The following VIRMA variants were observed in gnomAD, a reference collection of about 807,000 sequenced individuals.
VIRMA encodes protein virilizer homolog.
A neutral mutation model predicts 182.4 loss-of-function variants in VIRMA; 65 were observed. That is an observed-to-expected ratio of 0.36 (90% CI 0.29 to 0.44). The LOEUF is 0.44. VIRMA is among the 20% of genes least tolerant of loss of function. The pLI, the probability that VIRMA is intolerant of heterozygous loss-of-function variation, is 1.00. For synonymous variants in VIRMA, 709 were observed against 743.1 expected, an observed-to-expected ratio of 0.95 and a Z score of 0.75; for missense variants, 1,752 against 2,158.1, an observed-to-expected ratio of 0.81 and a Z score of 3.73.
In VIRMA at chr8:94,512,008, G is replaced by T. The variant is rs372150619; in HGVS notation, c.2833C>A (p.Pro945Thr). 49 of 1,526,040 alleles carry T rather than the reference G, an allele frequency of 3.2e-5. No homozygotes were observed. The highest frequency in any genetic ancestry group is 3.5e-5 in the Non-Finnish European group (40 of 1,134,006). 94.5% of individuals were successfully genotyped at this position (1,526,040 alleles called of 1,614,324 possible). The change falls in exon 12 of 24, where the codon CCT (proline) becomes ACT (threonine). Residue 945 changes from proline (P) to threonine (T), a missense_variant. Transcript: ENST00000297591. ...GTAGCCACATTACCTTCAACAGGAGGTGGTGGGCATGCAACATTACAGAGA... is the reference window on the plus strand; with the variant it reads ...GTAGCCACATTACCTTCAACAGGAGTTGGTGGGCATGCAACATTACAGAGA... The part of the protein sequence containing the change: ...RVLCNVACPP[P>T]PVEGQQKDLK...
intron 7 of VIRMA, among the ~76,000 whole-genome samples, chr8:94,527,779 TTAAG>T (rs796313439): frequency 3.9e-5 from 6 of 152,304 alleles, no homozygotes; most frequent in African/African-American, 7.2e-5. Flanking sequence ...TTGTTTTAAG[TTAAG>T]TAAGAACTAA....
chr8:94,506,907 CA>C (rs1814170536), intron 15 of VIRMA, among the ~76,000 whole-genome samples, 190 bp from the exon 16 acceptor site: 1 of 152,028 alleles, frequency 6.6e-6, no homozygotes, highest in South Asian at 2.1e-4. Context: ...AAAGTTAATA[CA>C]AGGATACACA....
chr8:94,506,591 T>C lies in VIRMA; in HGVS notation c.4006A>G (p.Asn1336Asp). 1 of 1,613,766 alleles carries C rather than the reference T, an allele frequency of 6.2e-7. No individual in the cohort carries two copies. The highest frequency in any genetic ancestry group is 8.5e-7 in the Non-Finnish European group (1 of 1,179,700). ...ICDCLLATLA[N>D]SESSYNCLLT... ...AAACAGTTGTAACTGCTCTCAGAGT[T>C]AGCTAGCGTAGCCAACAGACAGTCA... is the stretch of plus-strand genomic sequence containing the variant. Residue 1336 changes from asparagine (N) to aspartate (D), a missense_variant, in exon 16 of 24, where the codon AAC becomes GAC. By Grantham distance (23) the Asn-to-Asp change is conservative. Transcript: ENST00000297591.
chr8:94,494,985 G>C, intron 19 of VIRMA, 29 bp from the exon 20 acceptor site: 1 of 1,432,928 alleles, frequency 7.0e-7, no homozygotes, highest in Non-Finnish European at 9.8e-7. Flanking sequence ...CTGGTGAAAA[G>C]CAGAATTCTA....
At chr8:94,499,283 G>A (rs1813889917) in intron 17 of VIRMA, 91 bp downstream of exon 17, 3 of 879,994 alleles carry the variant, frequency 3.4e-6, no homozygotes, top group African/African-American at 1.7e-5. Flanking sequence ...TTACAGATGT[G>A]AGCCATCGTA....
At chr8:94,491,378 G>A (rs926208640) in intron 22 of VIRMA, among the ~76,000 whole-genome samples, 200 bp downstream of exon 22, 2 of 151,888 alleles carry the variant, frequency 1.3e-5, no homozygotes, top group African/African-American at 4.8e-5. Context: ...AAAGTACAAT[G>A]CATGAAAGGT....
intron 15 of VIRMA, among the ~76,000 whole-genome samples, 195 bp from the exon 16 acceptor site, chr8:94,506,912 A>G (rs1814170770): frequency 6.6e-6 from 1 of 152,168 alleles, no homozygotes; most frequent in Admixed American, 6.6e-5. Context: ...TAATACAAGG[A>G]TACACACCTA....
In VIRMA at chr8:94,531,038, G is replaced by A. The variant is rs779719449; in HGVS notation, c.532C>T (p.Gln178Ter). The A allele has an allele frequency of 6.3e-7, 1 of 1,599,884 alleles. No individual in the cohort carries two copies. Among genetic ancestry groups the A allele is most frequent in the Non-Finnish European group, 8.5e-7 (1 of 1,173,748 alleles). Residue 178 changes from glutamine to a stop codon, truncating the protein, a stop_gained, in exon 6 of 24, where the codon CAG (glutamine) becomes TAG (stop). Transcript: ENST00000297591. LOFTEE classifies it high-confidence loss of function. ...DQFNGSPPRP[Q>*]PRGPRTPPGP... ...GGAGGAGTTCTTGGTCCCCTTGGCT[G>A]TGGTCTTGGAGGGCTTCCATTAAAC... is the stretch of plus-strand genomic sequence containing the variant.
chr8:94,532,597 G>GGA (rs1815207176), intron 5 of VIRMA, among the ~76,000 whole-genome samples: 1 of 152,120 alleles, frequency 6.6e-6, no homozygotes, highest in Non-Finnish European at 1.5e-5. Flanking sequence ...TATCACTGGG[G>GGA]GAGGCTAAAG....
chr8:94,511,389 A>G lies in VIRMA; in HGVS notation c.3186T>C (p.Asn1062=), dbSNP rs1453690315. 1.2e-6 allele frequency: 2 copies of G among 1,613,850 alleles called. No homozygotes were observed. Among genetic ancestry groups the G allele is most frequent in the African/African-American group, 2.7e-5 (2 of 74,936 alleles). ...AAGTCAGTAAAATATCAATGATATC[A>G]TTCTGAATTTTCTGTTCATCACTAT... is the stretch of plus-strand genomic sequence containing the variant. ...RLDSDEQKIQ[N]DIIDILLTFT... Residue 1062 remains asparagine, a synonymous_variant, in exon 13 of 24, where the codon AAT becomes AAC. Transcript: ENST00000297591.
intron 1 of VIRMA, among the ~76,000 whole-genome samples, chr8:94,549,225 T>C (rs1270555035): frequency 6.6e-6 from 1 of 152,166 alleles, no homozygotes; most frequent in South Asian, 2.1e-4. Flanking sequence ...AAATTATTGG[T>C]AAAACAAATA....
rs1204768784 is a variant in VIRMA at position 94,510,453 on chromosome 8, C to T, written c.3590G>A (p.Arg1197Lys). The part of the protein sequence containing the change: ...LASPTALLIM[R>K]TVLDLIVEDL... ...TTCTACAATCAAATCCAACACAGTT[C>T]TCATAATCAGAAGTGCAGTTGGTGA... Residue 1197 changes from arginine (R) to lysine (K), a missense_variant, in exon 14 of 24, where the codon AGA becomes AAA. This residue lies in a region of VIRMA where 777 missense variants were observed against 920.6 expected (regional missense o/e 0.84). Transcript: ENST00000297591. 6.2e-7 allele frequency: 1 copy of T among 1,613,910 alleles called. No homozygotes were observed. Among genetic ancestry groups the T allele is most frequent in the Non-Finnish European group, 8.5e-7 (1 of 1,179,966 alleles).
chr8:94,519,054 A>C lies in VIRMA; in HGVS notation c.2444T>G (p.Val815Gly). 2 of 1,613,946 alleles carry C rather than the reference A, an allele frequency of 1.2e-6. No homozygotes were observed. The highest frequency in any genetic ancestry group is 1.7e-6 in the Non-Finnish European group (2 of 1,179,942). ...TTGGAGATTTTTCTCCAGACTAAAA[A>C]CATGGCCAACAGCTGATCTTCCCAC... ...NPVGRSAVGHVFSLEKNLQSL... is the reference protein window; with the variant it reads ...NPVGRSAVGHGFSLEKNLQSL... The change falls in exon 9 of 24, where the codon GTT (valine) becomes GGT (glycine). Residue 815 changes from valine (V) to glycine (G), a missense_variant. Physicochemically the swap from Val to Gly is moderately radical, Grantham distance 109. Around this residue, in one of 11 missense-constraint regions of VIRMA, gnomAD observed 777 missense variants for 920.6 expected, o/e 0.84. Coordinates refer to ENST00000297591, the MANE Select transcript of VIRMA (RefSeq NM_015496.5).
Position 94,526,231 on chromosome 8 carries a change from A to G in VIRMA, c.2013T>C (p.Val671=). ...AGGCAAACATGTCTTACCTAAAGAGAACAGGGTATGGATCATCCCTCTCTG... is the reference window on the plus strand; with the variant it reads ...AGGCAAACATGTCTTACCTAAAGAGGACAGGGTATGGATCATCCCTCTCTG... ...GPPERDDPYP[V]LFRYLHSHHF... Residue 671 remains valine, a synonymous_variant, in exon 8 of 24, where the codon GTT becomes GTC. Transcript: ENST00000297591. 6.3e-7 allele frequency: 1 copy of G among 1,595,824 alleles called. No individual in the cohort carries two copies.
chr8:94,505,345 T>C (rs181622680), intron 16 of VIRMA, among the ~76,000 whole-genome samples: 3 of 152,234 alleles, frequency 2.0e-5, no homozygotes, highest in Admixed American at 1.3e-4. Context: ...TGTAGTTTAA[T>C]AAATATAAGT....
chr8:94,552,598 T>A lies in VIRMA; in HGVS notation c.63+787A>T, dbSNP rs189104381. 1.4e-3 allele frequency among the ~76,000 whole-genome samples: 220 copies of A among 152,268 alleles called. 1 individual carries two copies. Among genetic ancestry groups the A allele is most frequent in the African/African-American group, 5.2e-3 (215 of 41,548 alleles). ...TTTTTTAACAATTTCTCCGTAGACT[T>A]CATTCAAGTTCATTTTTGGTCTGCT... On this transcript the variant is annotated intron_variant, in intron 1 of 23. Coordinates refer to ENST00000297591, the MANE Select transcript of VIRMA (RefSeq NM_015496.5).
chr8:94,507,989 A>ATATATGTATATATGTGTG (rs1563461662), intron 15 of VIRMA, among the ~76,000 whole-genome samples: 3 of 149,526 alleles, frequency 2.0e-5, no homozygotes, highest in Admixed American at 6.7e-5. Flanking sequence ...ATATATGTGT[A>ATATATGTATATATGTGTG]TATATATAAG....
chr8:94,553,324 G>A, intron 1 of VIRMA, 61 bp downstream of exon 1: 1 of 1,534,052 alleles, frequency 6.5e-7, no homozygotes, highest in Non-Finnish European at 9.0e-7. Flanking sequence ...AACGCCTAAC[G>A]GTTTTTTTGT....
intron 15 of VIRMA, among the ~76,000 whole-genome samples, chr8:94,508,628 G>C (rs1814249422): frequency 2.0e-5 from 3 of 151,494 alleles, no homozygotes; most frequent in South Asian, 4.2e-4. Context: ...CCAACCAAAT[G>C]GACACTTTGA....
Sources: allele counts gnomAD v4.1 joint callset (sites outside exome capture counted in the v4.1 genomes callset), GRCh38; gene constraint gnomAD v4.1.1; regional missense constraint gnomAD v4.1.1; transcripts MANE v1.5; gene names NCBI Gene and HGNC (gene_info 2026-07-23, HGNC 2026-07-21).